Variants in CNBD2 observed in about 807,000 individuals in gnomAD.
CNBD2 encodes cyclic nucleotide binding domain containing 2.
In CNBD2, 64 loss-of-function variants were observed where a neutral mutation model predicts 63.7. The observed-to-expected ratio is 1.00, with a 90% CI of 0.82 to 1.24. The LOEUF (loss-of-function observed/expected upper bound fraction) is 1.24. Among genes scored for constraint, CNBD2 ranks in the 50% most tolerant of loss-of-function variants. CNBD2 has a pLI of 0.00. For synonymous variants in CNBD2, 229 were observed against 255.4 expected (o/e 0.90, Z 0.99); for missense variants, 691 against 713.5 (o/e 0.97, Z 0.36).
chr20:36,008,629 C>T (rs1868665165), intron 9 of CNBD2, among the ~76,000 whole-genome samples, 155 bp downstream of exon 9: 2 of 152,212 alleles, frequency 1.3e-5, no homozygotes, highest in South Asian at 4.1e-4. Context: ...CTAGAGATGT[C>T]CTGGGTCTGA....
chr20:36,016,611 G>A (rs1438565076), intron 10 of CNBD2, among the ~76,000 whole-genome samples: 1 of 152,010 alleles, frequency 6.6e-6, no homozygotes, highest in Non-Finnish European at 1.5e-5. Context: ...CCAACATGGT[G>A]AAACCCTGTC....
intron 9 of CNBD2, 95 bp from the exon 10 acceptor site, chr20:36,011,042 G>A (rs959638165): frequency 6.4e-6 from 8 of 1,245,112 alleles, no homozygotes; most frequent in Non-Finnish European, 8.4e-6. Flanking sequence ...AGGGAGGGGA[G>A]CCCTCCATGT....
chr20:36,024,080 A>G (rs1397511834), intron 11 of CNBD2, among the ~76,000 whole-genome samples: 2 of 152,236 alleles, frequency 1.3e-5, no homozygotes, highest in African/African-American at 4.8e-5. Context: ...TCACGCCTAT[A>G]ATCCCAGCAC....
Position 35,984,144 on chromosome 20 carries a change from C to A in CNBD2, c.564+6C>A. On this transcript the variant is annotated splice_donor_region_variant and intron_variant, in intron 5 of 11. Transcript: ENST00000373973. ...ACAAGGGTAGCTGTTTTGGGGTAAGCCCAGGGGAAGGACCCAGTTTCCTGG... is the reference window on the plus strand; with the variant it reads ...ACAAGGGTAGCTGTTTTGGGGTAAGACCAGGGGAAGGACCCAGTTTCCTGG... 6.3e-7 allele frequency: 1 copy of A among 1,590,024 alleles called. No individual in the cohort carries two copies. The highest frequency in any genetic ancestry group is 1.1e-5 in the South Asian group (1 of 86,958).
intron 10 of CNBD2, among the ~76,000 whole-genome samples, chr20:36,018,702 T>C (rs1415205439): frequency 3.9e-5 from 6 of 152,122 alleles, no homozygotes; most frequent in African/African-American, 7.2e-5. Context: ...CCAGGAGATA[T>C]AGGAAGTCCA....
chr20:36,026,974 T>G (rs2057289778), intron 11 of CNBD2, among the ~76,000 whole-genome samples: 1 of 152,220 alleles, frequency 6.6e-6, no homozygotes, highest in Non-Finnish European at 1.5e-5. Context: ...CAGAAGGTGC[T>G]TAATAAATGT....
At chr20:36,002,153 G>C (rs6058390) in intron 8 of CNBD2, among the ~76,000 whole-genome samples, 1 of 152,228 alleles carries the variant, frequency 6.6e-6, no homozygotes, top group Non-Finnish European at 1.5e-5. Context: ...CCGGCACCTC[G>C]GGAGGCCAAG....
exon 1 of CNBD2, chr20:35,954,922 G>C: frequency 4.1e-6 from 1 of 246,644 alleles, no homozygotes; most frequent in South Asian, 4.4e-5. Flanking sequence ...TCTCTCGGGA[G>C]GGGCCCATCT....
intron 10 of CNBD2, among the ~76,000 whole-genome samples, chr20:36,016,800 A>T (rs1216324962): frequency 6.6e-6 from 1 of 151,764 alleles, no homozygotes; most frequent in African/African-American, 2.4e-5. Context: ...AAAAAAAAAA[A>T]AAAAAGGAAT....
exon 1 of CNBD2, chr20:35,955,338 A>G (rs2147156737): frequency 6.6e-6 from 1 of 152,328 alleles, no homozygotes. Context: ...TTTTGCATAT[A>G]TTGGGTCAAA....
intron 7 of CNBD2, 142 bp downstream of exon 7, chr20:35,987,675 C>A: frequency 1.1e-6 from 1 of 884,644 alleles, no homozygotes; most frequent in South Asian, 1.7e-5. Context: ...CATGTCCCAG[C>A]TGTAAGAGGC....
chr20:36,024,450 G>C (rs2057259099), intron 11 of CNBD2, among the ~76,000 whole-genome samples: 1 of 151,196 alleles, frequency 6.6e-6, no homozygotes, highest in African/African-American at 2.4e-5. Context: ...CCAACATGGT[G>C]AAACCCTGCC....
At chr20:36,011,571 G>C (rs770064441) in intron 10 of CNBD2, among the ~76,000 whole-genome samples, 1 of 152,022 alleles carries the variant, frequency 6.6e-6, no homozygotes, top group Non-Finnish European at 1.5e-5. Context: ...TGTAATCCCA[G>C]CTGAATCCAG....
intron 11 of CNBD2, among the ~76,000 whole-genome samples, chr20:36,029,942 T>A (rs1433938082): frequency 6.6e-6 from 1 of 152,180 alleles, no homozygotes; most frequent in Non-Finnish European, 1.5e-5. Flanking sequence ...CTACCTCCTG[T>A]CTCTACAGAC....
At chr20:35,970,620 A>ACTC (rs547439461) in intron 1 of CNBD2, among the ~76,000 whole-genome samples, 161 of 150,634 alleles carry the variant, frequency 1.1e-3, no homozygotes, top group African/African-American at 3.9e-3. Context: ...CTAGTCTCAA[A>ACTC]CTCCTGGTCT....
intron 10 of CNBD2, among the ~76,000 whole-genome samples, chr20:36,019,604 C>G (rs1395665522): frequency 6.8e-6 from 1 of 147,952 alleles, no homozygotes. Flanking sequence ...AGACAAGCAG[C>G]AAGTTCAAGG....
chr20:36,022,966 A>G (rs2057237232), intron 10 of CNBD2, among the ~76,000 whole-genome samples: 1 of 152,150 alleles, frequency 6.6e-6, no homozygotes, highest in Non-Finnish European at 1.5e-5. Context: ...GAGAAAAGAG[A>G]TTTGCTCGAC....
intron 10 of CNBD2, among the ~76,000 whole-genome samples, chr20:36,022,400 G>A (rs889005750): frequency 6.6e-6 from 1 of 150,992 alleles, no homozygotes; most frequent in Non-Finnish European, 1.5e-5. Flanking sequence ...GGTTTTCACC[G>A]TGTTCGTCAG....
At chr20:35,999,313 T>A (rs2147286506) in intron 8 of CNBD2, among the ~76,000 whole-genome samples, 1 of 152,332 alleles carries the variant, frequency 6.6e-6, no homozygotes, top group Middle Eastern at 3.4e-3. Flanking sequence ...TGATTATGGT[T>A]GGATTTGACT....
Sources: allele counts gnomAD v4.1 joint callset (sites outside exome capture counted in the v4.1 genomes callset), GRCh38; gene constraint gnomAD v4.1.1; transcripts MANE v1.5; gene names NCBI Gene and HGNC (gene_info 2026-07-23, HGNC 2026-07-21).